The following NRXN1 variants were observed in gnomAD, a reference collection of about 807,000 sequenced individuals.
NRXN1 encodes neurexin 1, also known as neurexin-1.
A neutral mutation model predicts 150.9 loss-of-function variants in NRXN1; 39 were observed. That is an observed-to-expected ratio of 0.26 (90% CI 0.20 to 0.34). The LOEUF (loss-of-function observed/expected upper bound fraction) is 0.34. Among genes scored for constraint, NRXN1 ranks in the 10% least tolerant of loss-of-function variants. NRXN1 has a pLI of 1.00. For missense variants in NRXN1, 1,815 were observed against 1,949.9 expected, an observed-to-expected ratio of 0.93 and a Z score of 1.30; for synonymous variants, 924 against 757.0, an observed-to-expected ratio of 1.22 and a Z score of -3.62.
intron 5 of NRXN1, among the ~76,000 whole-genome samples, chr2:50,895,347 C>T (rs1238126032): frequency 6.6e-6 from 1 of 152,130 alleles, no homozygotes; most frequent in East Asian, 1.9e-4. Flanking sequence ...AATGCCTCTA[C>T]ATATTGGATA....
Position 49,918,681 on chromosome 2 carries a change from C to A in NRXN1, c.*3263G>T, listed in dbSNP as rs1667714328. The A allele has an allele frequency of 1.3e-5, 2 of 152,068 alleles. No homozygotes were observed. Among genetic ancestry groups the A allele is most frequent in the Admixed American group, 1.3e-4 (2 of 15,256 alleles). 9.4% of individuals were successfully genotyped at this position (152,068 alleles called of 1,614,324 possible). A position where few individuals can be genotyped will look rare whatever the true frequency, so the allele number is the denominator to read the frequency against. ...AATATAACAAAAGTACATTTAATGG[C>A]TACATCTTTAAGTGTATGAATATAG... On this transcript the variant is annotated 3_prime_UTR_variant, in exon 23 of 23. Coordinates refer to ENST00000401669, the MANE Select transcript of NRXN1 (RefSeq NM_001330078.2).
At chr2:50,808,513 G>A (rs1238539776) in intron 5 of NRXN1, among the ~76,000 whole-genome samples, 3 of 151,938 alleles carry the variant, frequency 2.0e-5, no homozygotes, top group Non-Finnish European at 4.4e-5. Flanking sequence ...AAAATTGATT[G>A]TACATAGTGT....
At chr2:50,273,180 G>A (rs903531503) in intron 17 of NRXN1, among the ~76,000 whole-genome samples, 8 of 152,098 alleles carry the variant, frequency 5.3e-5, no homozygotes, top group African/African-American at 1.9e-4. Flanking sequence ...TCAAAGGAAG[G>A]GAAGTTTGGA....
intron 18 of NRXN1, among the ~76,000 whole-genome samples, chr2:50,161,511 T>G (rs2123387): frequency 0.02 from 3,030 of 152,290 alleles, 110 homozygotes; most frequent in African/African-American, 0.07. Flanking sequence ...TCCTTACTCC[T>G]GTTAAGATGA....
chr2:49,991,357 A>G (rs1276618355), intron 21 of NRXN1, among the ~76,000 whole-genome samples: 1 of 152,180 alleles, frequency 6.6e-6, no homozygotes, highest in African/African-American at 2.4e-5. Flanking sequence ...ACCTCCTGGA[A>G]CTAGTAAATG....
At chr2:50,042,434 C>T (rs1262284359) in intron 21 of NRXN1, among the ~76,000 whole-genome samples, 1 of 152,184 alleles carries the variant, frequency 6.6e-6, no homozygotes, top group African/African-American at 2.4e-5. Flanking sequence ...TTTGCTTCCT[C>T]TTCTGCCATG....
chr2:50,177,582 T>C (rs997116977), intron 18 of NRXN1, among the ~76,000 whole-genome samples: 3 of 151,878 alleles, frequency 2.0e-5, no homozygotes, highest in African/African-American at 7.2e-5. Flanking sequence ...CCCAAAATAG[T>C]CCTTAAAAAT....
rs563236722 is a variant in NRXN1, at chr2:50,160,542, C to CA, written c.3547-69049dup. On this transcript the variant is annotated intron_variant, in intron 18 of 22. Transcript: ENST00000401669. ...GGCAACAAGAGCGAAATTTCGTCTCCAAAAAAAAAAATGGCTTTCTGTTAC... is the reference window on the plus strand; with the variant it reads ...GGCAACAAGAGCGAAATTTCGTCTCCAAAAAAAAAAAATGGCTTTCTGTTAC... 7.5e-4 allele frequency among the ~76,000 whole-genome samples: 103 copies of CA among 137,368 alleles called. 1 individual carries two copies. The highest frequency in any genetic ancestry group is 1.1e-3 in the Admixed American group (15 of 13,770). The allele number at this position is 137,368 out of a possible 152,430, so 90.1% of individuals were successfully genotyped here. A position where few individuals can be genotyped will look rare whatever the true frequency, so the allele number is the denominator to read the frequency against.
At chr2:50,829,897 G>C (rs1324667621) in intron 5 of NRXN1, among the ~76,000 whole-genome samples, 3 of 148,492 alleles carry the variant, frequency 2.0e-5, no homozygotes, top group Admixed American at 6.8e-5. Context: ...AGTGTGCTCT[G>C]TGTGTCTTCT....
At chr2:50,689,359 T>A (rs1429478746) in intron 5 of NRXN1, among the ~76,000 whole-genome samples, 1 of 152,110 alleles carries the variant, frequency 6.6e-6, no homozygotes. Flanking sequence ...GTTTTATAAT[T>A]CCATCACCCT....
chr2:50,894,242 T>TA (rs550304359), intron 5 of NRXN1, among the ~76,000 whole-genome samples: 13 of 142,354 alleles, frequency 9.1e-5, no homozygotes, highest in East Asian at 2.0e-4. Flanking sequence ...AGTATAATAA[T>TA]AATAAATAAA....
chr2:50,421,137 G>A (rs72876483), intron 17 of NRXN1, among the ~76,000 whole-genome samples: 7,130 of 151,610 alleles, frequency 0.047, 543 homozygotes, highest in African/African-American at 0.16. Flanking sequence ...TTTTTTTCCG[G>A]GTATTTTTCA....
At chr2:50,717,961 C>T (rs1227312368) in intron 5 of NRXN1, among the ~76,000 whole-genome samples, 1 of 152,140 alleles carries the variant, frequency 6.6e-6, no homozygotes, top group Non-Finnish European at 1.5e-5. Context: ...AGGATTTCCA[C>T]AAATGAATTG....
chr2:50,371,697 G>C (rs945893254), intron 17 of NRXN1, among the ~76,000 whole-genome samples: 3 of 151,922 alleles, frequency 2.0e-5, no homozygotes. Flanking sequence ...CATTTTTATG[G>C]AAAGTGGATC....
intron 17 of NRXN1, among the ~76,000 whole-genome samples, chr2:50,363,090 T>C (rs1018292133): frequency 1.3e-5 from 2 of 152,168 alleles, no homozygotes; most frequent in African/African-American, 4.8e-5. Flanking sequence ...AAAAATTAAC[T>C]TGATATGGAT....
At chr2:51,002,805 T>C (rs1051371438) in intron 2 of NRXN1, among the ~76,000 whole-genome samples, 3 of 151,992 alleles carry the variant, frequency 2.0e-5, no homozygotes, top group Non-Finnish European at 4.4e-5. Flanking sequence ...ATGAAACTAA[T>C]AGGGTGACTT....
In NRXN1 at chr2:50,497,640, G is replaced by T; in HGVS notation, c.2572C>A (p.Leu858Ile). The change falls in exon 14 of 23, where the codon CTT (leucine) becomes ATT (isoleucine). Residue 858 changes from leucine to isoleucine, a missense_variant. Physicochemically the swap from Leu to Ile is conservative, Grantham distance 5. Coordinates refer to ENST00000401669, the MANE Select transcript of NRXN1 (RefSeq NM_001330078.2). ...ETGIITERRY[L>I]SSVPSNFIGH... ...ATGAAGTTGGAGGGGACAGAAGAAAGATACCGTCGTTCTGTGATGATGCCA... is the reference window on the plus strand; with the variant it reads ...ATGAAGTTGGAGGGGACAGAAGAAATATACCGTCGTTCTGTGATGATGCCA... The T allele has an allele frequency of 1.2e-6, 2 of 1,613,922 alleles. No homozygotes were observed. The highest frequency in any genetic ancestry group is 1.1e-5 in the South Asian group (1 of 91,078).
At chr2:50,801,767 C>A (rs1333193786) in intron 5 of NRXN1, among the ~76,000 whole-genome samples, 1 of 152,062 alleles carries the variant, frequency 6.6e-6, no homozygotes, top group Non-Finnish European at 1.5e-5. Context: ...GAAGCAAGGG[C>A]ACAGATTTGG....
At chr2:49,977,243 TA>T (rs1484050494) in intron 21 of NRXN1, among the ~76,000 whole-genome samples, 4 of 152,194 alleles carry the variant, frequency 2.6e-5, no homozygotes, top group Non-Finnish European at 4.4e-5. Context: ...AAAAGTGCTG[TA>T]AATCAGTGGT....
Sources: allele counts gnomAD v4.1 joint callset (sites outside exome capture counted in the v4.1 genomes callset), GRCh38; gene constraint gnomAD v4.1.1; transcripts MANE v1.5; gene names NCBI Gene and HGNC (gene_info 2026-07-23, HGNC 2026-07-21).